Variants in FAT1 observed in about 807,000 individuals in gnomAD.
The protein encoded by FAT1 is FAT atypical cadherin 1, also known as protocadherin Fat 1.
Under a neutral mutation model 329.8 loss-of-function variants are expected in FAT1, and 171 were observed. The ratio of observed to expected loss-of-function variants is 0.52; its 90% confidence interval spans 0.46 to 0.59. The LOEUF (loss-of-function observed/expected upper bound fraction) is 0.59. Among genes scored for constraint, FAT1 ranks in the 20% least tolerant of loss-of-function variants. The pLI, the probability that FAT1 is intolerant of heterozygous loss-of-function variation, is 0.00. For missense variants in FAT1, 5,672 were observed against 5,774.4 expected, an observed-to-expected ratio of 0.98 and a Z score of 0.57; for synonymous variants, 2,233 against 2,228.6, an observed-to-expected ratio of 1.00 and a Z score of -0.06.
intron 2 of FAT1, among the ~76,000 whole-genome samples, chr4:186,691,098 A>C (rs1743738434): frequency 6.6e-6 from 1 of 152,212 alleles, no homozygotes; most frequent in African/African-American, 2.4e-5. Flanking sequence ...AAAGTGGCAG[A>C]ATTTGCACAA....
rs553827528 is a variant in FAT1, at chr4:186,608,353, T to C, written c.10206+830A>G. 1.3e-4 allele frequency among the ~76,000 whole-genome samples: 20 copies of C among 152,270 alleles called. 1 individual carries two copies. In the South Asian group the frequency reaches 3.5e-3, roughly 27 times the overall value. Reference sequence around the variant, plus strand: ...TACAGTATCAATGCAATGTAAATGGTTGTTATACTGCGGGTCGGGGTTGTA... The same window carrying C: ...TACAGTATCAATGCAATGTAAATGGCTGTTATACTGCGGGTCGGGGTTGTA... On this transcript the variant is annotated intron_variant, in intron 16 of 26. Coordinates refer to ENST00000441802, the MANE Select transcript of FAT1 (RefSeq NM_005245.4).
Position 186,645,407 on chromosome 4 carries a change from AT to A in FAT1, c.3581-5625del, listed in dbSNP as rs58847911. ...TATATATATATATATATATATATAT[AT>A]ATATATATATATATGCCTGTAAAAA... On this transcript the variant is annotated intron_variant, in intron 3 of 26. Coordinates refer to ENST00000441802, the MANE Select transcript of FAT1 (RefSeq NM_005245.4). Among the ~76,000 whole-genome samples, 546 of 100,610 alleles carry A rather than the reference AT, an allele frequency of 5.4e-3. 23 individuals are homozygous for A. Among genetic ancestry groups the A allele is most frequent in the African/African-American group, 0.02 (527 of 25,994 alleles). The allele number at this position is 100,610 out of a possible 152,430, so 66.0% of individuals were successfully genotyped here. A position where few individuals can be genotyped will look rare whatever the true frequency, so the allele number is the denominator to read the frequency against.
chr4:186,697,709 T>C (rs1561000240), intron 2 of FAT1, among the ~76,000 whole-genome samples: 1 of 152,220 alleles, frequency 6.6e-6, no homozygotes, highest in Non-Finnish European at 1.5e-5. Context: ...TAGAAATACT[T>C]GCAGGTTGTA....
chr4:186,708,808 A>G lies in FAT1; in HGVS notation c.1020T>C (p.Asp340=), dbSNP rs1561010873. The part of the protein sequence containing the change: ...FGYNLTLQAK[D]KGTPPQFSSV... ...AAGAGAACTGGGGCGGAGTTCCTTT[A>G]TCTTTAGCCTGTAGTGTGAGATTGT... The change falls in exon 2 of 27, where the codon GAT becomes GAC. Residue 340 remains aspartate, a synonymous_variant. Coordinates refer to ENST00000441802, the MANE Select transcript of FAT1 (RefSeq NM_005245.4). 6.2e-7 allele frequency: 1 copy of G among 1,613,822 alleles called. No homozygotes were observed. The highest frequency in any genetic ancestry group is 1.3e-5 in the African/African-American group (1 of 74,918).
In FAT1 at chr4:186,695,771, A is replaced by G. The variant is rs578239374; in HGVS notation, c.3265+10792T>C. ...TGTATTATATATAAAACACACACAC[A>G]CACACACACACACACACACACACAC... On this transcript the variant is annotated intron_variant, in intron 2 of 26. Transcript: ENST00000441802. Among the ~76,000 whole-genome samples, 23 of 148,216 alleles carry G rather than the reference A, an allele frequency of 1.6e-4. 1 individual carries two copies. The highest frequency in any genetic ancestry group is 6.0e-4 in the African/African-American group (23 of 38,554).
chr4:186,639,010 T>G (rs918188324), intron 4 of FAT1, among the ~76,000 whole-genome samples: 4 of 149,530 alleles, frequency 2.7e-5, no homozygotes, highest in Non-Finnish European at 2.9e-5. Context: ...ACCTTCCCTC[T>G]CCAAATTACT....
At chr4:186,675,989 A>G (rs985758610) in intron 2 of FAT1, among the ~76,000 whole-genome samples, 5 of 152,178 alleles carry the variant, frequency 3.3e-5, no homozygotes, top group African/African-American at 7.2e-5. Flanking sequence ...ACAAGGTGCA[A>G]AAGAAACAAA....
At chr4:186,694,139 C>G (rs765331248) in intron 2 of FAT1, among the ~76,000 whole-genome samples, 16 of 152,268 alleles carry the variant, frequency 1.1e-4, no homozygotes, top group Non-Finnish European at 2.2e-4. Context: ...CAACCTGCCT[C>G]TCATCTACTA....
At position 186,645,962 on chromosome 4, in the gene FAT1, AAT is replaced by A. The variant is rs1553993243; in HGVS notation, c.3581-6181_3581-6180del. Among the ~76,000 whole-genome samples, 92 of 94,566 alleles carry A rather than the reference AAT, an allele frequency of 9.7e-4. 2 individuals are homozygous for A. Among genetic ancestry groups the A allele is most frequent in the East Asian group, 3.5e-3 (12 of 3,438 alleles). 62.0% of individuals were successfully genotyped at this position (94,566 alleles called of 152,430 possible). On this transcript the variant is annotated intron_variant, in intron 3 of 26. Transcript: ENST00000441802. ...CTGTCTCACAAAAAAAAAAAAAAAA[AAT>A]ATATACACACACACACACACACACA...
chr4:186,659,072 T>A (rs1343564554), intron 3 of FAT1, among the ~76,000 whole-genome samples: 1 of 152,194 alleles, frequency 6.6e-6, no homozygotes, highest in East Asian at 1.9e-4. Flanking sequence ...AATACCACAT[T>A]TTTACTGCAC....
At chr4:186,635,095 C>T (rs1740765960) in intron 6 of FAT1, among the ~76,000 whole-genome samples, 1 of 152,058 alleles carries the variant, frequency 6.6e-6, no homozygotes. Flanking sequence ...GTAAAACAGC[C>T]AAAGCATTTA....
At chr4:186,606,735 T>C (rs977700527) in intron 16 of FAT1, among the ~76,000 whole-genome samples, 7 of 152,150 alleles carry the variant, frequency 4.6e-5, no homozygotes, top group African/African-American at 7.2e-5. Context: ...TCTAAATCCC[T>C]CAGGATTAGC....
intron 2 of FAT1, among the ~76,000 whole-genome samples, chr4:186,698,191 T>C (rs901962568): frequency 6.6e-6 from 1 of 152,218 alleles, no homozygotes; most frequent in African/African-American, 2.4e-5. Context: ...TACGCTGGAC[T>C]GTGTCCTTGA....
At chr4:186,661,475 A>G (rs1183054485) in intron 3 of FAT1, among the ~76,000 whole-genome samples, 1 of 152,202 alleles carries the variant, frequency 6.6e-6, no homozygotes, top group East Asian at 1.9e-4. Context: ...GGCCCAAGAA[A>G]GCAGAGTTCA....
Position 186,628,201 on chromosome 4 carries a change from T to C in FAT1, c.4763A>G (p.Asp1588Gly). 2 of 1,613,964 alleles carry C rather than the reference T, an allele frequency of 1.2e-6. No individual in the cohort carries two copies. The highest frequency in any genetic ancestry group is 8.5e-7 in the Non-Finnish European group (1 of 1,179,880). Reference sequence around the variant, plus strand: ...TTCAGCATTTTTCCCTTTGTCCTTGTCCAGAGCCGTCACCTGCAACACAAC... The same window carrying C: ...TTCAGCATTTTTCCCTTTGTCCTTGCCCAGAGCCGTCACCTGCAACACAAC... ...GSVVLQVTAL[D>G]KDKGKNAEVL... Residue 1588 changes from aspartate (D) to glycine (G), a missense_variant, in exon 9 of 27, where the codon GAC (aspartate) becomes GGC (glycine). Asp to Gly is a moderately conservative substitution (Grantham distance 94). This residue lies in a region of FAT1 where 3,966 missense variants were observed against 3,915.2 expected (regional missense o/e 1.01). Coordinates refer to ENST00000441802, the MANE Select transcript of FAT1 (RefSeq NM_005245.4).
chr4:186,725,188 C>T (rs1579519619), upstream of FAT1, among the ~76,000 whole-genome samples: 1 of 152,038 alleles, frequency 6.6e-6, no homozygotes, highest in African/African-American at 2.4e-5. This position sits in a 1 kb window ranked among gnomAD's most constrained non-coding sequence, Gnocchi z 5.4. Context: ...GCTTACAGGT[C>T]AATTTCATAC....
chr4:186,676,278 G>GAA (rs11331148), intron 2 of FAT1, among the ~76,000 whole-genome samples: 3 of 125,384 alleles, frequency 2.4e-5, no homozygotes, highest in African/African-American at 2.8e-5. Flanking sequence ...TTCATTTTGT[G>GAA]AAAAAAAAAA....
At chr4:186,642,036 A>G (rs1309528686) in intron 3 of FAT1, among the ~76,000 whole-genome samples, 1 of 151,832 alleles carries the variant, frequency 6.6e-6, no homozygotes, top group Non-Finnish European at 1.5e-5. Flanking sequence ...ACATAAAGCC[A>G]AAAGGCTACC....
chr4:186,619,909 T>A lies in FAT1; in HGVS notation c.6677A>T (p.Gln2226Leu), dbSNP rs1390545404. The A allele has an allele frequency of 3.7e-6, 6 of 1,613,902 alleles. No homozygotes were observed. In the Admixed American group the frequency reaches 1.0e-4, roughly 27 times the overall value. The part of the protein sequence containing the change: ...YSITDGDPFS[Q>L]FTINFNTGVI... The stretch of plus-strand genomic sequence containing the variant: ...TCCAGTATTGAAGTTAATAGTGAAC[T>A]GGCTGAAAGGGTCTCCGTCTGTGAT... Residue 2226 changes from glutamine (Q) to leucine (L), a missense_variant, in exon 10 of 27, where the codon CAG (glutamine) becomes CTG (leucine). Transcript: ENST00000441802.
Sources: gnomAD v4.1 joint callset for allele counts (sites outside exome capture counted in the v4.1 genomes callset) on GRCh38, gnomAD v4.1.1 for gene constraint, gnomAD v4.1.1 regional missense constraint, Gnocchi (gnomAD v3.1) non-coding constraint, MANE v1.5 for transcripts, NCBI Gene and HGNC (gene_info 2026-07-23, HGNC 2026-07-21) for gene names.